NLRC4: variants seen among roughly 807,000 people sequenced by gnomAD.
The protein encoded by NLRC4 is NLR family CARD domain-containing protein 4.
Under a neutral mutation model 79.9 loss-of-function variants are expected in NLRC4, and 63 were observed. The observed-to-expected ratio is 0.79, with a 90% CI of 0.64 to 0.97. NLRC4 has a LOEUF of 0.97. Ranked by LOEUF, NLRC4 falls within the 50% of genes least tolerant of loss-of-function variation. The pLI, the probability that NLRC4 is intolerant of heterozygous loss-of-function variation, is 0.00. For missense variants in NLRC4, 1,074 were observed against 1,215.2 expected (o/e 0.88, Z 1.73); for synonymous variants, 461 against 456.5 (o/e 1.01, Z -0.12).
chr2:32,242,224 A>G (rs1286650968), intron 4 of NLRC4, among the ~76,000 whole-genome samples: 1 of 152,194 alleles, frequency 6.6e-6, no homozygotes. Flanking sequence ...CAATGAAGCT[A>G]AAAGTTGGAT....
intron 1 of NLRC4, among the ~76,000 whole-genome samples, chr2:32,258,103 T>C (rs1187104114): frequency 6.6e-6 from 1 of 152,086 alleles, no homozygotes; most frequent in African/African-American, 2.4e-5. Context: ...TCTCAGCAGA[T>C]GGGGTAGCCA....
At chr2:32,231,522 T>C (rs531502141) in intron 8 of NLRC4, among the ~76,000 whole-genome samples, 1 of 149,688 alleles carries the variant, frequency 6.7e-6, no homozygotes, top group African/African-American at 2.5e-5. Flanking sequence ...AATTTTTTTT[T>C]CACATTCTGT....
At chr2:32,261,201 A>T (rs1433241913) in intron 1 of NLRC4, among the ~76,000 whole-genome samples, 1 of 148,506 alleles carries the variant, frequency 6.7e-6, no homozygotes, top group Non-Finnish European at 1.5e-5. Context: ...TGAAAACAAC[A>T]ACAACAACAA....
rs767338677 is a variant in NLRC4 at position 32,235,579 on chromosome 2, CAA to C, written c.2615-13_2615-12del. 59 of 1,611,742 alleles carry C rather than the reference CAA, an allele frequency of 3.7e-5. 1 individual carries two copies. Among genetic ancestry groups the C allele is most frequent in the South Asian group, 3.1e-4 (28 of 90,984 alleles). ...CGTTCATCCTGTCGACTGGAAGAAA[CAA>C]AGAGCAGTTCAGGGACTGGATGGTC... On this transcript the variant is annotated splice_polypyrimidine_tract_variant and intron_variant, in intron 7 of 8. Transcript: ENST00000402280.
chr2:32,251,214 C>T lies in NLRC4; in HGVS notation c.650G>A (p.Cys217Tyr). 1 of 1,614,150 alleles carries T rather than the reference C, an allele frequency of 6.2e-7. No individual in the cohort carries two copies. The highest frequency in any genetic ancestry group is 1.3e-5 in the African/African-American group (1 of 75,018). ...RAQGGLFETLCDQLLDIPGTI... is the reference protein window; with the variant it reads ...RAQGGLFETLYDQLLDIPGTI... ...GCCAGGTATATCCAGGAGTTGATCA[C>T]AGAGGGTTTCAAAAAGTCCACCCTG... Residue 217 changes from cysteine to tyrosine, a missense_variant, in exon 4 of 9, where the codon TGT (cysteine) becomes TAT (tyrosine). Physicochemically the swap from Cys to Tyr is radical, Grantham distance 194. Transcript: ENST00000402280.
At chr2:32,259,123 T>C (rs1457104859) in intron 1 of NLRC4, among the ~76,000 whole-genome samples, 2 of 151,958 alleles carry the variant, frequency 1.3e-5, no homozygotes, top group East Asian at 1.9e-4. Context: ...TGAGACAGGG[T>C]CTCACTCTGT....
chr2:32,235,455 C>G lies in NLRC4; in HGVS notation c.2728G>C (p.Val910Leu). ...CTCCAGTTTTTCAACCCAAGCTTGA[C>G]GAGTTGTGGGACCTCCTCCAAATGT... is the stretch of plus-strand genomic sequence containing the variant. ...LKHLEEVPQLVKLGLKNWRLT... is the reference protein window; with the variant it reads ...LKHLEEVPQLLKLGLKNWRLT... The change falls in exon 8 of 9, where the codon GTC (valine) becomes CTC (leucine). Residue 910 changes from valine (V) to leucine (L), a missense_variant. Physicochemically the swap from Val to Leu is conservative, Grantham distance 32 (BLOSUM62 1). Coordinates refer to ENST00000402280, the MANE Select transcript of NLRC4 (RefSeq NM_001199138.2). 6.2e-7 allele frequency: 1 copy of G among 1,614,090 alleles called. No homozygotes were observed. Among genetic ancestry groups the G allele is most frequent in the Non-Finnish European group, 8.5e-7 (1 of 1,179,930 alleles).
intron 1 of NLRC4, among the ~76,000 whole-genome samples, chr2:32,257,928 G>A (rs1213428085): frequency 6.6e-6 from 1 of 152,076 alleles, no homozygotes; most frequent in Non-Finnish European, 1.5e-5. Context: ...TGCTCTTTTA[G>A]TTCAGCTGTC....
chr2:32,261,374 C>T (rs1241354102), intron 1 of NLRC4, among the ~76,000 whole-genome samples: 1 of 126,192 alleles, frequency 7.9e-6, no homozygotes, highest in African/African-American at 3.0e-5. Context: ...TGCAGTGGTG[C>T]GACCTCAGCT....
chr2:32,244,551 A>T (rs939331936), intron 4 of NLRC4, among the ~76,000 whole-genome samples: 18 of 152,310 alleles, frequency 1.2e-4, no homozygotes, highest in South Asian at 4.1e-4. Context: ...AGGCAAAAAA[A>T]AAAAATAAAT....
rs184341744 is a variant in NLRC4 at position 32,256,043 on chromosome 2, T to A, written c.1+732A>T. On this transcript the variant is annotated intron_variant, in intron 2 of 8. Coordinates refer to ENST00000402280, the MANE Select transcript of NLRC4 (RefSeq NM_001199138.2). ...AAAAAAAAAAATTTACAAAAAAAAA[T>A]ATATATATAAACAGTAAGATATTAT... 8.0e-3 allele frequency among the ~76,000 whole-genome samples: 1,206 copies of A among 151,582 alleles called. 17 individuals carry two copies. The highest frequency in any genetic ancestry group is 0.027 in the African/African-American group (1,132 of 41,336).
rs773394998 is a variant in NLRC4 at position 32,238,321 on chromosome 2, G to A, written c.2351-19C>T. ...CCTTCAGCTGAAAAATGATAGAAAG[G>A]AATGCATTAGGATACCAAGTTAATT... On this transcript the variant is annotated intron_variant, in intron 5 of 8. Coordinates refer to ENST00000402280, the MANE Select transcript of NLRC4 (RefSeq NM_001199138.2). 2 of 1,597,584 alleles carry A rather than the reference G, an allele frequency of 1.3e-6. No individual in the cohort carries two copies. Among genetic ancestry groups the A allele is most frequent in the South Asian group, 2.2e-5 (2 of 89,216 alleles).
chr2:32,250,533 T>G lies in NLRC4; in HGVS notation c.1331A>C (p.Lys444Thr), dbSNP rs1269189081. The G allele has an allele frequency of 6.2e-7, 1 of 1,614,108 alleles. No homozygotes were observed. Among genetic ancestry groups the G allele is most frequent in the Non-Finnish European group, 8.5e-7 (1 of 1,180,044 alleles). ...TCCTGCTGTGTACTCCTGGAATGAC[T>G]TGTGAAAGAATTTATACTTTGGCTT... The part of the protein sequence containing the change: ...RFKPKYKFFH[K>T]SFQEYTAGRR... The change falls in exon 4 of 9, where the codon AAG becomes ACG. Residue 444 changes from lysine to threonine, a missense_variant. By Grantham distance (78) the Lys-to-Thr change is moderately conservative (BLOSUM62 -1). Transcript: ENST00000402280. The surrounding 1 kb of genome is among the most constrained non-coding windows in gnomAD (Gnocchi z 4.9).
At chr2:32,262,122 G>A (rs80280090) in intron 1 of NLRC4, among the ~76,000 whole-genome samples, 1,547 of 152,146 alleles carry the variant, frequency 0.01, 20 homozygotes, top group Middle Eastern at 0.054. Context: ...AAGAAATTGG[G>A]GCAGCTCAGG....
chr2:32,231,105 C>T (rs1686522247), intron 8 of NLRC4, among the ~76,000 whole-genome samples: 1 of 152,146 alleles, frequency 6.6e-6, no homozygotes, highest in African/African-American at 2.4e-5. Context: ...GATTCTTGCC[C>T]ATTTTACAAA....
In NLRC4 at chr2:32,238,235, C is replaced by T. The variant is rs1395516738; in HGVS notation, c.2418G>A (p.Glu806=). ...GAGACTTGACTATGTAATCCATTCC[C>T]TCTCCAATGTCAGACAAGTGGGTCA... is the stretch of plus-strand genomic sequence containing the variant. The part of the protein sequence containing the change: ...FHLTHLSDIG[E]GMDYIVKSLS... The change falls in exon 6 of 9, where the codon GAG becomes GAA. Residue 806 remains glutamate, a synonymous_variant. Coordinates refer to ENST00000402280, the MANE Select transcript of NLRC4 (RefSeq NM_001199138.2). 6.2e-7 allele frequency: 1 copy of T among 1,613,458 alleles called. No individual in the cohort carries two copies. Among genetic ancestry groups the T allele is most frequent in the South Asian group, 1.1e-5 (1 of 90,958 alleles).
At chr2:32,259,519 A>G (rs1687289243) in intron 1 of NLRC4, among the ~76,000 whole-genome samples, 1 of 151,938 alleles carries the variant, frequency 6.6e-6, no homozygotes, top group African/African-American at 2.4e-5. Flanking sequence ...TAAGTTGCAG[A>G]CGTTAGTACA....
intron 6 of NLRC4, among the ~76,000 whole-genome samples, chr2:32,237,759 T>C (rs758143459): frequency 9.9e-5 from 15 of 152,210 alleles, no homozygotes; most frequent in Non-Finnish European, 2.2e-4. Context: ...AAGCCTGAGA[T>C]CATTTAAGAA....
Position 32,238,238 on chromosome 2 carries a change from T to C in NLRC4, c.2415A>G (p.Gly805=), listed in dbSNP as rs751435047. The change falls in exon 6 of 9, where the codon GGA becomes GGG. Residue 805 remains glycine (G), a synonymous_variant. Transcript: ENST00000402280. ...LFHLTHLSDI[G]EGMDYIVKSL... is the part of the protein sequence containing the mutation. ...ACTTGACTATGTAATCCATTCCCTC[T>C]CCAATGTCAGACAAGTGGGTCAAAT... 2 of 1,613,390 alleles carry C rather than the reference T, an allele frequency of 1.2e-6. No homozygotes were observed. Among genetic ancestry groups the C allele is most frequent in the Non-Finnish European group, 1.7e-6 (2 of 1,179,666 alleles).
Sources: allele counts gnomAD v4.1 joint callset (sites outside exome capture counted in the v4.1 genomes callset), GRCh38; gene constraint gnomAD v4.1.1; non-coding constraint Gnocchi (gnomAD v3.1); transcripts MANE v1.5; gene names NCBI Gene and HGNC (gene_info 2026-07-23, HGNC 2026-07-21).